CSMD3: variants seen among roughly 807,000 people sequenced by gnomAD.
CSMD3 encodes CUB and Sushi multiple domains 3.
In CSMD3, 177 loss-of-function variants were observed where a neutral mutation model predicts 435.2. That is an observed-to-expected ratio of 0.41 (90% CI 0.36 to 0.46). The LOEUF is 0.46. CSMD3 is among the 20% of genes least tolerant of loss of function. The pLI is 0.34. For missense variants in CSMD3, 4,265 were observed against 4,504.6 expected (o/e 0.95, Z 1.52); for synonymous variants, 1,656 against 1,520.5 (o/e 1.09, Z -2.07).
At chr8:113,184,953 T>G (rs534114651) in intron 3 of CSMD3, among the ~76,000 whole-genome samples, 1 of 152,222 alleles carries the variant, frequency 6.6e-6, no homozygotes, top group South Asian at 2.1e-4. Context: ...GTCCAAACTT[T>G]TTTCACCTTT....
chr8:113,008,095 A>G (rs1044727639), intron 6 of CSMD3, among the ~76,000 whole-genome samples: 37 of 151,772 alleles, frequency 2.4e-4, no homozygotes, highest in Non-Finnish European at 4.9e-4. Flanking sequence ...GAAAAAAAAA[A>G]GAGAAATTAG....
At chr8:112,536,680 A>G (rs1826122003) in intron 27 of CSMD3, among the ~76,000 whole-genome samples, 1 of 150,932 alleles carries the variant, frequency 6.6e-6, no homozygotes, top group Non-Finnish European at 1.5e-5. Context: ...TATATACCCA[A>G]AGGACTATAA....
chr8:112,867,642 A>T lies in CSMD3; in HGVS notation c.1634-8376T>A, dbSNP rs543954089. ...ACACTGTATACAATAAAATGCAGAC[A>T]ATTAGAACACAATGATACTTGTGTA... On this transcript the variant is annotated intron_variant, in intron 10 of 70. Transcript: ENST00000297405. Among the ~76,000 whole-genome samples, 11 of 152,264 alleles carry T rather than the reference A, an allele frequency of 7.2e-5. No homozygotes were observed. The South Asian group carries it at 1.4e-3, about 20-fold the overall frequency.
rs373495637 is a variant in CSMD3, at chr8:112,234,129, C to CCA, written c.10740+234_10740+235dup. 3.8e-3 allele frequency among the ~76,000 whole-genome samples: 567 copies of CCA among 150,992 alleles called. 4 individuals carry two copies. Among genetic ancestry groups the CCA allele is most frequent in the African/African-American group, 0.013 (541 of 40,962 alleles). On this transcript the variant is annotated intron_variant, in intron 68 of 70. Coordinates refer to ENST00000297405, the MANE Select transcript of CSMD3 (RefSeq NM_198123.2). ...CACCCACATCCACCCATACCCTCCC[C>CCA]CACACACACGTACACCCCACCACCA...
At chr8:113,086,732 T>G (rs1018815813) in intron 5 of CSMD3, among the ~76,000 whole-genome samples, 6 of 152,196 alleles carry the variant, frequency 3.9e-5, no homozygotes, top group African/African-American at 1.2e-4. Flanking sequence ...ATTTTTAAAG[T>G]ATGATATTTT....
intron 27 of CSMD3, among the ~76,000 whole-genome samples, chr8:112,545,496 A>T (rs1207117989): frequency 4.2e-5 from 6 of 141,992 alleles, no homozygotes; most frequent in South Asian, 2.2e-4. Flanking sequence ...AAAAAAAAAA[A>T]AAAAAAATAA....
chr8:112,689,260 T>A (rs2076079808), intron 14 of CSMD3, among the ~76,000 whole-genome samples: 1 of 152,056 alleles, frequency 6.6e-6, no homozygotes, highest in South Asian at 2.1e-4. Flanking sequence ...AGACAGCATT[T>A]AATTGAGCAC....
intron 4 of CSMD3, among the ~76,000 whole-genome samples, chr8:113,147,290 C>T (rs878946752): frequency 6.6e-6 from 1 of 151,632 alleles, no homozygotes; most frequent in Admixed American, 6.6e-5. Flanking sequence ...AAATATAAGA[C>T]ATAGACTTTG....
At chr8:112,713,143 T>C (rs972571631) in intron 13 of CSMD3, among the ~76,000 whole-genome samples, 1 of 151,920 alleles carries the variant, frequency 6.6e-6, no homozygotes, top group Non-Finnish European at 1.5e-5. Flanking sequence ...GAGAGCCACA[T>C]GGGGCAGGGG....
intron 28 of CSMD3, among the ~76,000 whole-genome samples, chr8:112,512,239 G>T (rs756494554): frequency 2.0e-5 from 3 of 152,154 alleles, no homozygotes; most frequent in Non-Finnish European, 4.4e-5. Flanking sequence ...TTGCTCAGAT[G>T]CATCAGATAA....
intron 45 of CSMD3, among the ~76,000 whole-genome samples, chr8:112,334,105 A>G (rs185279719): frequency 6.6e-6 from 1 of 152,296 alleles, no homozygotes; most frequent in Non-Finnish European, 1.5e-5. Flanking sequence ...TGAATATCCA[A>G]CTTTCCAGAA....
At chr8:113,112,487 ACACACACACACAC>A (rs1396649745) in intron 4 of CSMD3, among the ~76,000 whole-genome samples, 1 of 138,488 alleles carries the variant, frequency 7.2e-6, no homozygotes, top group African/African-American at 2.6e-5. Context: ...ACACACACAC[ACACACACACACAC>A]ACTTGTGAGT....
intron 13 of CSMD3, among the ~76,000 whole-genome samples, chr8:112,703,832 A>G (rs1418272040): frequency 6.6e-6 from 1 of 152,136 alleles, no homozygotes; most frequent in Non-Finnish European, 1.5e-5. Flanking sequence ...GACTATAGTC[A>G]ATATTTAGAG....
intron 4 of CSMD3, among the ~76,000 whole-genome samples, chr8:113,147,221 T>C (rs1164147233): frequency 6.6e-6 from 1 of 151,674 alleles, no homozygotes; most frequent in Non-Finnish European, 1.5e-5. Flanking sequence ...TTGTTAGCTA[T>C]TTTTTTATTT....
chr8:113,179,569 T>C (rs1450123230), intron 3 of CSMD3, among the ~76,000 whole-genome samples: 3 of 151,878 alleles, frequency 2.0e-5, no homozygotes, highest in Admixed American at 6.6e-5. Context: ...ATAGGTGTCA[T>C]TGATTTCTTC....
chr8:112,274,734 T>A (rs7011864), intron 59 of CSMD3, among the ~76,000 whole-genome samples: 26,740 of 152,048 alleles, frequency 0.18, 2,884 homozygotes, highest in Middle Eastern at 0.33. Flanking sequence ...AACATTATCA[T>A]AAGTAGAAAT....
intron 50 of CSMD3, chr8:112,310,403 G>A (rs1480184661): frequency 1.3e-5 from 2 of 153,992 alleles, no homozygotes; most frequent in Admixed American, 6.4e-5. Flanking sequence ...TAACAAGCTT[G>A]TTATTCTTTT....
chr8:113,021,439 T>C (rs781699566), intron 5 of CSMD3, among the ~76,000 whole-genome samples: 5 of 152,192 alleles, frequency 3.3e-5, no homozygotes, highest in Admixed American at 6.5e-5. Flanking sequence ...TCGATGAACA[T>C]GAATATCCGT....
intron 27 of CSMD3, among the ~76,000 whole-genome samples, chr8:112,539,498 A>G (rs1048664230): frequency 6.6e-6 from 1 of 152,144 alleles, no homozygotes; most frequent in Admixed American, 6.6e-5. Context: ...GCTTAGTGGC[A>G]TCAAGCTATC....
Sources: allele counts gnomAD v4.1 joint callset (sites outside exome capture counted in the v4.1 genomes callset), GRCh38; gene constraint gnomAD v4.1.1; transcripts MANE v1.5; gene names NCBI Gene and HGNC (gene_info 2026-07-23, HGNC 2026-07-21).